ZNF569: variants seen among roughly 807,000 people sequenced by gnomAD.
ZNF569 encodes the protein DNA-binding protein.
Under a neutral mutation model 56.3 loss-of-function variants are expected in ZNF569, and 38 were observed. The observed-to-expected ratio is 0.68, with a 90% CI of 0.52 to 0.88. The LOEUF (loss-of-function observed/expected upper bound fraction) is 0.88. ZNF569 is among the 40% of genes least tolerant of loss of function. ZNF569 has a pLI of 0.00. For missense variants in ZNF569, 666 were observed against 809.2 expected (o/e 0.82, Z 2.15); for synonymous variants, 241 against 262.9 (o/e 0.92, Z 0.81).
intron 2 of ZNF569, among the ~76,000 whole-genome samples, chr19:37,459,868 T>C (rs183299195): frequency 6.6e-6 from 1 of 152,316 alleles, no homozygotes; most frequent in East Asian, 1.9e-4. Flanking sequence ...TGAAGCAGTA[T>C]AGCATTTTCA....
chr19:37,441,229 T>C (rs976546218), intron 3 of ZNF569, among the ~76,000 whole-genome samples: 3 of 152,068 alleles, frequency 2.0e-5, no homozygotes, highest in African/African-American at 7.2e-5. Context: ...CTCTAAGGCA[T>C]GAGTGTGAAA....
intron 3 of ZNF569, among the ~76,000 whole-genome samples, chr19:37,432,899 T>A (rs1334909081): frequency 6.8e-6 from 1 of 147,872 alleles, no homozygotes; most frequent in African/African-American, 2.5e-5. Context: ...AAAGAATGCA[T>A]CAGTCTTTTT....
At chr19:37,464,076 A>T (rs535889030) in intron 2 of ZNF569, among the ~76,000 whole-genome samples, 1 of 152,354 alleles carries the variant, frequency 6.6e-6, no homozygotes, top group African/African-American at 2.4e-5. Flanking sequence ...GTGTAGCCTA[A>T]GTGTACGGTG....
At chr19:37,466,352 G>A (rs2041835194) in intron 1 of ZNF569, among the ~76,000 whole-genome samples, 1 of 152,124 alleles carries the variant, frequency 6.6e-6, no homozygotes, top group Non-Finnish European at 1.5e-5. Flanking sequence ...ATTTCCGGCC[G>A]GGCGCGGTGG....
chr19:37,438,407 A>T (rs2041348042), intron 3 of ZNF569, among the ~76,000 whole-genome samples: 1 of 152,070 alleles, frequency 6.6e-6, no homozygotes. Context: ...ACAAAGAATA[A>T]CAACAAGCAG....
Position 37,422,604 on chromosome 19 carries a change from T to C in ZNF569, c.238+3264A>G, listed in dbSNP as rs1392750175. On this transcript the variant is annotated intron_variant, in intron 5 of 5. Coordinates refer to ENST00000316950, the MANE Select transcript of ZNF569 (RefSeq NM_152484.3). ...CTTCAATTTATAAAAAAATGCAACA[T>C]TTGCCAAGCACAATAAAATAAAGCA... Among the ~76,000 whole-genome samples the C allele has an allele frequency of 2.0e-5, 3 of 152,082 alleles. No homozygotes were observed. In the East Asian group the frequency reaches 5.8e-4, roughly 29 times the overall value.
intron 2 of ZNF569, among the ~76,000 whole-genome samples, chr19:37,458,166 C>T (rs1359062627): frequency 6.6e-6 from 1 of 152,130 alleles, no homozygotes; most frequent in Non-Finnish European, 1.5e-5. Flanking sequence ...CCACCATGCC[C>T]AGCCTGATAT....
intron 2 of ZNF569, among the ~76,000 whole-genome samples, chr19:37,452,243 A>G (rs1364314958): frequency 1.3e-5 from 2 of 152,210 alleles, no homozygotes; most frequent in Non-Finnish European, 2.9e-5. Context: ...CACAATTCAC[A>G]TCTATTCACA....
intron 2 of ZNF569, among the ~76,000 whole-genome samples, chr19:37,456,287 C>T (rs2041669281): frequency 6.6e-6 from 1 of 152,130 alleles, no homozygotes; most frequent in Non-Finnish European, 1.5e-5. Context: ...ATATCACGGA[C>T]ATACGGTCAT....
chr19:37,469,043 A>C, upstream of ZNF569: 2 of 991,676 alleles, frequency 2.0e-6, no homozygotes, highest in Non-Finnish European at 1.2e-6. Flanking sequence ...GGAGGCGCGC[A>C]GAGCGCTTGT....
At chr19:37,439,353 G>A (rs1371004737) in intron 3 of ZNF569, among the ~76,000 whole-genome samples, 1 of 152,188 alleles carries the variant, frequency 6.6e-6, no homozygotes, top group African/African-American at 2.4e-5. Flanking sequence ...TTACAGGCAT[G>A]AGTCACCATG....
intron 3 of ZNF569, among the ~76,000 whole-genome samples, chr19:37,437,941 A>G (rs1331423511): frequency 6.6e-6 from 1 of 152,338 alleles, no homozygotes; most frequent in South Asian, 2.1e-4. Flanking sequence ...CAAAATACCA[A>G]TGACATTCTT....
chr19:37,458,462 G>A (rs1238590629), intron 2 of ZNF569, among the ~76,000 whole-genome samples: 1 of 152,168 alleles, frequency 6.6e-6, no homozygotes, highest in Non-Finnish European at 1.5e-5. Context: ...CTGATCATCA[G>A]TTCCTTCTTG....
intron 2 of ZNF569, among the ~76,000 whole-genome samples, chr19:37,462,530 A>G (rs2041772008): frequency 6.6e-6 from 1 of 152,094 alleles, no homozygotes; most frequent in Non-Finnish European, 1.5e-5. Flanking sequence ...CAGGGTCCCT[A>G]ATAAATGAAT....
chr19:37,454,681 A>G (rs1019565836), intron 2 of ZNF569, among the ~76,000 whole-genome samples: 1 of 152,150 alleles, frequency 6.6e-6, no homozygotes, highest in Non-Finnish European at 1.5e-5. Flanking sequence ...CTTCCCTATG[A>G]GTGCCTGTTG....
In ZNF569 at chr19:37,412,323, T is replaced by G. The variant is rs1244435295; in HGVS notation, c.*274A>C. 1 of 363,092 alleles carries G rather than the reference T, an allele frequency of 2.8e-6. No homozygotes were observed. The highest frequency in any genetic ancestry group is 2.1e-5 in the African/African-American group (1 of 47,524). The allele number at this position is 363,092 out of a possible 1,614,324, so 22.5% of individuals were successfully genotyped here. A position where few individuals can be genotyped will look rare whatever the true frequency, so the allele number is the denominator to read the frequency against. ...TTGGCTAGGAGCTCAAGTGTTGTGT[T>G]GTTATGCTGATGGAAGATACCTTGT... On this transcript the variant is annotated 3_prime_UTR_variant, in exon 6 of 6. Coordinates refer to ENST00000316950, the MANE Select transcript of ZNF569 (RefSeq NM_152484.3).
intron 3 of ZNF569, among the ~76,000 whole-genome samples, chr19:37,438,205 T>C (rs1281998102): frequency 6.6e-6 from 1 of 152,078 alleles, no homozygotes; most frequent in African/African-American, 2.4e-5. Flanking sequence ...GTTTGAGTCC[T>C]GGGCAACATA....
upstream of ZNF569, chr19:37,467,844 T>C (rs1313671151): frequency 1.2e-5 from 18 of 1,534,176 alleles, no homozygotes; most frequent in Non-Finnish European, 1.0e-5. Context: ...TCGCGTTTTA[T>C]ATTCTCGTGG....
Position 37,412,335 on chromosome 19 carries a change from G to GGAA in ZNF569, c.*259_*261dup, listed in dbSNP as rs2040851947. ...TCAAGTGTTGTGTTGTTATGCTGAT[G>GGAA]GAAGATACCTTGTTTCAGATTTCAA... is the stretch of plus-strand genomic sequence containing the variant. On this transcript the variant is annotated 3_prime_UTR_variant, in exon 6 of 6. Coordinates refer to ENST00000316950, the MANE Select transcript of ZNF569 (RefSeq NM_152484.3). 1 of 415,768 alleles carries GGAA rather than the reference G, an allele frequency of 2.4e-6. No homozygotes were observed. The highest frequency in any genetic ancestry group is 4.0e-6 in the Non-Finnish European group (1 of 252,206). The allele number at this position is 415,768 out of a possible 1,614,324, so 25.8% of individuals were successfully genotyped here.
Sources: gnomAD v4.1 joint callset for allele counts (sites outside exome capture counted in the v4.1 genomes callset) on GRCh38, gnomAD v4.1.1 for gene constraint, MANE v1.5 for transcripts, NCBI Gene and HGNC (gene_info 2026-07-23, HGNC 2026-07-21) for gene names.